LONRF2: variants seen among roughly 807,000 people sequenced by gnomAD.
LONRF2 encodes the protein LON peptidase N-terminal domain and RING finger protein 2.
In LONRF2, 35 loss-of-function variants were observed where a neutral mutation model predicts 66.6. The observed-to-expected ratio is 0.53, with a 90% CI of 0.40 to 0.70. LONRF2 has a LOEUF of 0.70. Among genes scored for constraint, LONRF2 ranks in the 30% least tolerant of loss-of-function variants. The pLI is 0.00. For synonymous variants in LONRF2, 417 were observed against 418.1 expected, an observed-to-expected ratio of 1.00 and a Z score of 0.03; for missense variants, 902 against 1,002.1, an observed-to-expected ratio of 0.90 and a Z score of 1.35.
At chr2:100,306,990 G>A (rs1483834484) in intron 2 of LONRF2, among the ~76,000 whole-genome samples, 21 of 148,060 alleles carry the variant, frequency 1.4e-4, no homozygotes, top group African/African-American at 4.7e-4. Context: ...GTGCTATCTC[G>A]GCTCACTGCA....
intron 3 of LONRF2, among the ~76,000 whole-genome samples, chr2:100,302,544 G>C (rs1675205095): frequency 6.6e-6 from 1 of 152,204 alleles, no homozygotes; most frequent in South Asian, 2.1e-4. Context: ...GCACTATGCT[G>C]GTGAACCTTT....
chr2:100,294,333 T>A lies in LONRF2; in HGVS notation c.1653A>T (p.Pro551=). 6.2e-7 allele frequency: 1 copy of A among 1,606,824 alleles called. No homozygotes were observed. Among genetic ancestry groups the A allele is most frequent in the Non-Finnish European group, 8.5e-7 (1 of 1,177,408 alleles). ...FVCAMAFPTV[P]CPLHVFEPRY... ...GGGGCTCAAAAACGTGGAGTGGACA[T>A]GGGACCGTGGGGAAGGCCATGGCAC... The change falls in exon 9 of 12, where the codon CCA becomes CCT. Residue 551 remains proline, a synonymous_variant. Coordinates refer to ENST00000393437, the MANE Select transcript of LONRF2 (RefSeq NM_198461.4).
At position 100,272,726 on chromosome 2, in the gene LONRF2, TA is replaced by T. The variant is rs1348210994; in HGVS notation, c.*11571del. 6.6e-6 allele frequency among the ~76,000 whole-genome samples: 1 copy of T among 152,186 alleles called. No homozygotes were observed. Among genetic ancestry groups the T allele is most frequent in the East Asian group, 1.9e-4 (1 of 5,190 alleles). The stretch of plus-strand genomic sequence containing the variant: ...TAGTTAACTCAGTATTTGCAATTCA[TA>T]TTCCTTTTCTTAAGAAGCACTACCC... On this transcript the variant is annotated 3_prime_UTR_variant, in exon 12 of 12. Coordinates refer to ENST00000393437, the MANE Select transcript of LONRF2 (RefSeq NM_198461.4).
intron 1 of LONRF2, among the ~76,000 whole-genome samples, chr2:100,317,159 C>A (rs984051142): frequency 6.6e-6 from 1 of 152,196 alleles, no homozygotes; most frequent in African/African-American, 2.4e-5. Context: ...TAGGTCTTCA[C>A]ATTTAATGTA....
chr2:100,321,168 CG>C (rs1268971076), intron 1 of LONRF2, among the ~76,000 whole-genome samples: 1 of 152,192 alleles, frequency 6.6e-6, no homozygotes, highest in Admixed American at 6.5e-5. Flanking sequence ...AGAGCTGCTC[CG>C]GGGGCCGCGG....
Position 100,322,297 on chromosome 2 carries a change from G to A in LONRF2, c.-204C>T, listed in dbSNP as rs1390631481. On this transcript the variant is annotated 5_prime_UTR_variant, in exon 1 of 12. Coordinates refer to ENST00000393437, the MANE Select transcript of LONRF2 (RefSeq NM_198461.4). The stretch of plus-strand genomic sequence containing the variant: ...GCAGCGTCCTCAGCGCGGTGTGGGC[G>A]GCGAGCCCCGCAGGGCTGCAATCGT... The A allele has an allele frequency of 5.0e-6, 2 of 396,932 alleles. No individual in the cohort carries two copies. Among genetic ancestry groups the A allele is most frequent in the East Asian group, 9.4e-5 (2 of 21,370 alleles). 24.6% of individuals were successfully genotyped at this position (396,932 alleles called of 1,614,324 possible).
At chr2:100,299,619 T>C (rs1675137458) in intron 5 of LONRF2, 98 bp downstream of exon 5, 1 of 886,224 alleles carries the variant, frequency 1.1e-6, no homozygotes, top group South Asian at 1.8e-5. Context: ...TCATTACTAA[T>C]ATTAAATGTT....
In LONRF2 at chr2:100,321,941, G is replaced by A. The variant is rs1485014431; in HGVS notation, c.153C>T (p.Ala51=). ...MAAELFRSML[A]GLAQPDRGLC... is the part of the protein sequence containing the mutation. ...GGCCGCGGTCCGGCTGCGCCAGCCCGGCTAGCATGGAGCGAAAGAGCTCGG... is the reference window on the plus strand; with the variant it reads ...GGCCGCGGTCCGGCTGCGCCAGCCCAGCTAGCATGGAGCGAAAGAGCTCGG... Residue 51 remains alanine (A), a synonymous_variant, in exon 1 of 12, where the codon GCC becomes GCT. Transcript: ENST00000393437. 5 of 1,436,158 alleles carry A rather than the reference G, an allele frequency of 3.5e-6. No homozygotes were observed. Among genetic ancestry groups the A allele is most frequent in the Non-Finnish European group, 4.6e-6 (5 of 1,093,608 alleles). The allele number at this position is 1,436,158 out of a possible 1,614,324, so 89.0% of individuals were successfully genotyped here. A position where few individuals can be genotyped will look rare whatever the true frequency, so the allele number is the denominator to read the frequency against.
Position 100,322,053 on chromosome 2 carries a change from C to A in LONRF2, c.41G>T (p.Cys14Phe). 3 of 1,320,230 alleles carry A rather than the reference C, an allele frequency of 2.3e-6. No homozygotes were observed. Among genetic ancestry groups the A allele is most frequent in the South Asian group, 2.0e-5 (1 of 51,112 alleles). 81.8% of individuals were successfully genotyped at this position (1,320,230 alleles called of 1,614,324 possible). A position where few individuals can be genotyped will look rare whatever the true frequency, so the allele number is the denominator to read the frequency against. ...EPVPPPPPPQ[C>F]PGCDRAEPIA... ...CGGCTCCGCGCGGTCGCAGCCAGGA[C>A]ACTGGGGCGGCGGCGGCGGCGGGAC... Residue 14 changes from cysteine to phenylalanine, a missense_variant, in exon 1 of 12, where the codon TGT (cysteine) becomes TTT (phenylalanine). By Grantham distance (205) the Cys-to-Phe change is radical. Transcript: ENST00000393437.
chr2:100,304,148 A>G (rs1675240684), intron 2 of LONRF2, among the ~76,000 whole-genome samples: 1 of 120,206 alleles, frequency 8.3e-6, no homozygotes, highest in Non-Finnish European at 1.7e-5. Context: ...TATCTCTAGA[A>G]TTTCCTTTTT....
Position 100,320,632 on chromosome 2 carries a change from C to T in LONRF2, c.679+783G>A, listed in dbSNP as rs182720420. Among the ~76,000 whole-genome samples the T allele has an allele frequency of 3.4e-4, 51 of 152,222 alleles. No individual in the cohort carries two copies. The East Asian group carries it at 9.1e-3, about 27-fold the overall frequency. On this transcript the variant is annotated intron_variant, in intron 1 of 11. Coordinates refer to ENST00000393437, the MANE Select transcript of LONRF2 (RefSeq NM_198461.4). ...AATCGTATATGCCCTATTATAAAACCGGTGAAACCAGAAAGCAAACCGTCC... is the reference window on the plus strand; with the variant it reads ...AATCGTATATGCCCTATTATAAAACTGGTGAAACCAGAAAGCAAACCGTCC...
rs540664823 is a variant in LONRF2, at chr2:100,283,883, C to G, written c.*415G>C. The G allele has an allele frequency of 6.5e-6, 1 of 154,420 alleles. No homozygotes were observed. The highest frequency in any genetic ancestry group is 1.4e-5 in the Non-Finnish European group (1 of 69,684). The allele number at this position is 154,420 out of a possible 1,614,324, so 9.6% of individuals were successfully genotyped here. A position where few individuals can be genotyped will look rare whatever the true frequency, so the allele number is the denominator to read the frequency against. On this transcript the variant is annotated 3_prime_UTR_variant, in exon 12 of 12. Coordinates refer to ENST00000393437, the MANE Select transcript of LONRF2 (RefSeq NM_198461.4). ...TAAGAAATCCACTTCCAGATAAAAACGTGGTTCCCCCATATTGTCTACACA... is the reference window on the plus strand; with the variant it reads ...TAAGAAATCCACTTCCAGATAAAAAGGTGGTTCCCCCATATTGTCTACACA...
At chr2:100,308,592 T>A (rs1346609918) in intron 2 of LONRF2, among the ~76,000 whole-genome samples, 1 of 152,222 alleles carries the variant, frequency 6.6e-6, no homozygotes, top group Non-Finnish European at 1.5e-5. Context: ...TTATCATTAT[T>A]AGATCCGCAA....
chr2:100,303,049 T>C lies in LONRF2; in HGVS notation c.799-6A>G. The stretch of plus-strand genomic sequence containing the variant: ...TGAGCTTTTACTTGATGTCCCTAGA[T>C]TCACCGAAGACAAAGTGTACATTTT... On this transcript the variant is annotated splice_region_variant and splice_polypyrimidine_tract_variant and intron_variant, in intron 2 of 11. Transcript: ENST00000393437. The C allele has an allele frequency of 6.3e-7, 1 of 1,588,574 alleles. No individual in the cohort carries two copies. The highest frequency in any genetic ancestry group is 8.6e-7 in the Non-Finnish European group (1 of 1,168,556).
At chr2:100,319,034 G>A (rs751378647) in intron 1 of LONRF2, among the ~76,000 whole-genome samples, 2 of 151,396 alleles carry the variant, frequency 1.3e-5, no homozygotes. Context: ...GGAGGCTGAG[G>A]CAGGAGAATT....
chr2:100,313,019 C>A (rs1675438972), intron 1 of LONRF2, among the ~76,000 whole-genome samples: 1 of 152,196 alleles, frequency 6.6e-6, no homozygotes, highest in African/African-American at 2.4e-5. Context: ...AAGAGGGCAG[C>A]CTAAGACCCA....
rs1674530560 is a variant in LONRF2, at chr2:100,273,074, T to C, written c.*11224A>G. Among the ~76,000 whole-genome samples the C allele has an allele frequency of 6.6e-6, 1 of 152,138 alleles. No individual in the cohort carries two copies. Among genetic ancestry groups the C allele is most frequent in the Non-Finnish European group, 1.5e-5 (1 of 68,038 alleles). ...AAATCTAATGACTGGTGTCCTTATA[T>C]AAGGAAAGGGATATCTGGACACAGA... On this transcript the variant is annotated 3_prime_UTR_variant, in exon 12 of 12. Coordinates refer to ENST00000393437, the MANE Select transcript of LONRF2 (RefSeq NM_198461.4).
At chr2:100,286,832 T>C in intron 11 of LONRF2, 82 bp downstream of exon 11, 2 of 1,494,312 alleles carry the variant, frequency 1.3e-6, no homozygotes, top group Non-Finnish European at 1.8e-6. Flanking sequence ...AGCATCATAC[T>C]GCCAAGCTCT....
At chr2:100,295,593 G>A in intron 7 of LONRF2, 40 bp from the exon 8 acceptor site, 1 of 1,591,070 alleles carries the variant, frequency 6.3e-7, no homozygotes, top group African/African-American at 1.4e-5. Context: ...TATGGTAATT[G>A]ATTCTAAAGG....
Sources: allele counts gnomAD v4.1 joint callset (sites outside exome capture counted in the v4.1 genomes callset), GRCh38; gene constraint gnomAD v4.1.1; transcripts MANE v1.5; gene names NCBI Gene and HGNC (gene_info 2026-07-23, HGNC 2026-07-21).